The following CSRNP3 variants were observed in gnomAD, a reference collection of about 807,000 sequenced individuals.
CSRNP3 encodes cysteine/serine-rich nuclear protein 3.
Under a neutral mutation model 48.0 loss-of-function variants are expected in CSRNP3, and 12 were observed. The ratio of observed to expected loss-of-function variants is 0.25; its 90% CI spans 0.16 to 0.41. CSRNP3 has a LOEUF of 0.41. CSRNP3 is among the 10% of genes least tolerant of loss of function. CSRNP3 has a pLI of 1.00. For synonymous variants in CSRNP3, 263 were observed against 269.7 expected (o/e 0.98, Z 0.24); for missense variants, 580 against 724.4 (o/e 0.80, Z 2.29).
intron 3 of CSRNP3, among the ~76,000 whole-genome samples, chr2:165,589,283 C>T (rs2105290069): frequency 6.6e-6 from 1 of 152,158 alleles, no homozygotes; most frequent in East Asian, 1.9e-4. Context: ...AGAAGAAAAC[C>T]ACATCTCCCT....
At chr2:165,546,224 C>G (rs1026857278) in intron 3 of CSRNP3, among the ~76,000 whole-genome samples, 6 of 152,106 alleles carry the variant, frequency 3.9e-5, no homozygotes, top group Non-Finnish European at 7.4e-5. Flanking sequence ...CAGAGTCTCA[C>G]TCTGTCGCCC....
chr2:165,663,890 C>T (rs1261252851), intron 5 of CSRNP3, among the ~76,000 whole-genome samples: 1 of 152,042 alleles, frequency 6.6e-6, no homozygotes, highest in African/African-American at 2.4e-5. Flanking sequence ...TAGCATTCTA[C>T]TAGATCCGTC....
intron 1 of CSRNP3, among the ~76,000 whole-genome samples, chr2:165,492,582 A>G (rs1684229074): frequency 6.6e-6 from 1 of 151,954 alleles, no homozygotes. Context: ...AGTCAACCCT[A>G]TAGTCACCAT....
intron 5 of CSRNP3, among the ~76,000 whole-genome samples, chr2:165,661,698 G>C (rs1374623870): frequency 6.6e-6 from 1 of 152,178 alleles, no homozygotes; most frequent in Non-Finnish European, 1.5e-5. Context: ...AAGCATTCCA[G>C]AAAGAAAAGT....
rs1369759331 is a variant in CSRNP3 at position 165,489,866 on chromosome 2, C to A, written c.-282-4893C>A. Among the ~76,000 whole-genome samples, 6 of 135,106 alleles carry A rather than the reference C, an allele frequency of 4.4e-5. No homozygotes were observed. In the South Asian group the frequency reaches 1.6e-3, roughly 35 times the overall value. The allele number at this position is 135,106 out of a possible 152,430, so 88.6% of individuals were successfully genotyped here. A position where few individuals can be genotyped will look rare whatever the true frequency, so the allele number is the denominator to read the frequency against. On this transcript the variant is annotated intron_variant, in intron 1 of 6. Transcript: ENST00000651982. Reference sequence around the variant, plus strand: ...ATACTGAATGGGCAAAAACTGGAAGCATTCCCTTTGAAAACTGGCACAAGA... The same window carrying A: ...ATACTGAATGGGCAAAAACTGGAAGAATTCCCTTTGAAAACTGGCACAAGA...
intron 3 of CSRNP3, among the ~76,000 whole-genome samples, chr2:165,554,312 T>G (rs1455716559): frequency 6.6e-6 from 1 of 152,334 alleles, no homozygotes; most frequent in African/African-American, 2.4e-5. Flanking sequence ...CTCTTTTTCC[T>G]ACCTGGGCTT....
intron 4 of CSRNP3, among the ~76,000 whole-genome samples, chr2:165,600,342 A>T (rs1685893804): frequency 6.6e-6 from 1 of 151,220 alleles, no homozygotes; most frequent in African/African-American, 2.4e-5. Flanking sequence ...ATTGTTGGAC[A>T]TTTGGGTTGG....
At chr2:165,617,153 T>C (rs1686259428) in intron 4 of CSRNP3, among the ~76,000 whole-genome samples, 1 of 152,174 alleles carries the variant, frequency 6.6e-6, no homozygotes, top group South Asian at 2.1e-4. Context: ...AGGCATTTCA[T>C]GGGTTTCCTT....
intron 3 of CSRNP3, among the ~76,000 whole-genome samples, chr2:165,537,156 G>A (rs1012126492): frequency 2.0e-5 from 3 of 151,478 alleles, no homozygotes; most frequent in Non-Finnish European, 4.4e-5. Flanking sequence ...TTCTTTAAAT[G>A]TCAGGAGCGA....
intron 4 of CSRNP3, among the ~76,000 whole-genome samples, chr2:165,656,198 A>C (rs1442199636): frequency 6.6e-6 from 1 of 152,242 alleles, no homozygotes; most frequent in Non-Finnish European, 1.5e-5. Context: ...TCTCACTAAC[A>C]GTCTACATCA....
chr2:165,661,014 G>A (rs557706566), intron 5 of CSRNP3, among the ~76,000 whole-genome samples: 35 of 152,252 alleles, frequency 2.3e-4, no homozygotes, highest in Middle Eastern at 6.8e-3. Flanking sequence ...AAACTCTGAG[G>A]AGAATTAATG....
chr2:165,681,424 AT>A lies in CSRNP3; in HGVS notation c.*1672del, dbSNP rs943110721. The A allele has an allele frequency of 2.0e-5, 3 of 149,676 alleles. No homozygotes were observed. Among genetic ancestry groups the A allele is most frequent in the African/African-American group, 7.4e-5 (3 of 40,498 alleles). 9.3% of individuals were successfully genotyped at this position (149,676 alleles called of 1,614,324 possible). A position where few individuals can be genotyped will look rare whatever the true frequency, so the allele number is the denominator to read the frequency against. On this transcript the variant is annotated 3_prime_UTR_variant, in exon 7 of 7. Coordinates refer to ENST00000651982, the MANE Select transcript of CSRNP3 (RefSeq NM_001172173.2). ...TTGTAGATCTCAATTTCTAAAAAAA[AT>A]ATTTTATTTAATTGAACTTAAAAAT... is the stretch of plus-strand genomic sequence containing the variant.
chr2:165,502,906 T>C (rs1399190903), intron 2 of CSRNP3, among the ~76,000 whole-genome samples: 2 of 151,934 alleles, frequency 1.3e-5, no homozygotes, highest in Admixed American at 1.3e-4. Flanking sequence ...AGGAAGCTAA[T>C]TATTTATGTA....
intron 5 of CSRNP3, among the ~76,000 whole-genome samples, chr2:165,659,200 C>T (rs1019135616): frequency 1.3e-5 from 2 of 151,962 alleles, no homozygotes; most frequent in African/African-American, 4.8e-5. Context: ...TGAAGTTAGA[C>T]CAGTTAGAAA....
At chr2:165,474,528 A>G (rs562978682) in intron 1 of CSRNP3, among the ~76,000 whole-genome samples, 5 of 152,296 alleles carry the variant, frequency 3.3e-5, no homozygotes, top group Admixed American at 2.6e-4. Flanking sequence ...CCCTAGAAAC[A>G]TGGGACTGCC....
At chr2:165,627,504 T>C (rs1573929030) in intron 4 of CSRNP3, among the ~76,000 whole-genome samples, 1 of 152,176 alleles carries the variant, frequency 6.6e-6, no homozygotes, top group African/African-American at 2.4e-5. Flanking sequence ...ATAATTCATG[T>C]CAGTCTGCTA....
intron 2 of CSRNP3, among the ~76,000 whole-genome samples, chr2:165,514,483 T>A (rs6432833): frequency 0.25 from 38,337 of 152,152 alleles, 4,984 homozygotes; most frequent in East Asian, 0.34. Flanking sequence ...GCGCTGTAGA[T>A]CTTAGCACAA....
At chr2:165,525,507 G>A (rs1160953610) in intron 3 of CSRNP3, among the ~76,000 whole-genome samples, 1 of 137,654 alleles carries the variant, frequency 7.3e-6, no homozygotes, top group Admixed American at 7.6e-5. Context: ...TTTTTTTGGA[G>A]ACAGAGTCTT....
intron 4 of CSRNP3, among the ~76,000 whole-genome samples, chr2:165,653,972 C>CA (rs71028497): frequency 0.039 from 1,609 of 41,216 alleles, 448 homozygotes; most frequent in East Asian, 0.076. Flanking sequence ...AGCTCTATCA[C>CA]AAAAAAAAAA....
Sources: gnomAD v4.1 joint callset for allele counts (sites outside exome capture counted in the v4.1 genomes callset) on GRCh38, gnomAD v4.1.1 for gene constraint, MANE v1.5 for transcripts, NCBI Gene and HGNC (gene_info 2026-07-23, HGNC 2026-07-21) for gene names.